ACSM1: variants seen among roughly 807,000 people sequenced by gnomAD.
The protein encoded by ACSM1 is acyl-CoA synthetase medium chain family member 1.
In ACSM1, 79 loss-of-function variants were observed where a neutral mutation model predicts 75.8. The ratio of observed to expected loss-of-function variants is 1.04; its 90% CI spans 0.87 to 1.26. The LOEUF (loss-of-function observed/expected upper bound fraction) is 1.26. Ranked by LOEUF, ACSM1 falls within the 50% of genes most tolerant of loss-of-function variation. ACSM1 has a pLI of 0.00. For missense variants in ACSM1, 676 were observed against 720.1 expected, an observed-to-expected ratio of 0.94 and a Z score of 0.70; for synonymous variants, 279 against 265.8, an observed-to-expected ratio of 1.05 and a Z score of -0.48.
chr16:20,654,142 C>T (rs1486049279), intron 7 of ACSM1, among the ~76,000 whole-genome samples: 1 of 152,074 alleles, frequency 6.6e-6, no homozygotes, highest in Non-Finnish European at 1.5e-5. Flanking sequence ...CTGACAAAAA[C>T]AAGAAATGGG....
At chr16:20,628,512 T>C (rs546688249) in intron 10 of ACSM1, among the ~76,000 whole-genome samples, 26 of 152,316 alleles carry the variant, frequency 1.7e-4, no homozygotes, top group African/African-American at 6.3e-4. Context: ...AAGAATGTTA[T>C]ATAAATAGAA....
intron 4 of ACSM1, 182 bp downstream of exon 4, chr16:20,682,074 T>G: frequency 1.7e-6 from 1 of 581,592 alleles, no homozygotes; most frequent in Non-Finnish European, 3.0e-6. Flanking sequence ...TCTCACCCCA[T>G]GAAATGCTTA....
Position 20,623,509 on chromosome 16 carries a change from T to C in ACSM1, c.1711A>G (p.Lys571Glu). ...GATTACATCTGACCAGTCTCCTTTT[T>C]CCGAAGTTCCTTCCGTTCAATCTTG... ...TGKIERKELR[K>E]KETGQM is the part of the protein sequence containing the mutation. Residue 571 changes from lysine (K) to glutamate (E), a missense_variant, in exon 14 of 14, where the codon AAA (lysine) becomes GAA (glutamate). Transcript: ENST00000520010. 1 of 1,614,162 alleles carries C rather than the reference T, an allele frequency of 6.2e-7. No homozygotes were observed.
chr16:20,633,506 A>T (rs982832126), intron 10 of ACSM1, among the ~76,000 whole-genome samples: 2 of 152,298 alleles, frequency 1.3e-5, no homozygotes, highest in South Asian at 4.1e-4. Context: ...AAACTACAAA[A>T]CGTTACTACA....
intron 4 of ACSM1, among the ~76,000 whole-genome samples, chr16:20,676,427 G>A (rs200382981): frequency 3.9e-5 from 6 of 152,356 alleles, no homozygotes; most frequent in Admixed American, 2.6e-4. Flanking sequence ...AGGCATTTTG[G>A]TTGTACACTC....
chr16:20,646,256 A>G (rs775203592), intron 7 of ACSM1, among the ~76,000 whole-genome samples: 1 of 152,236 alleles, frequency 6.6e-6, no homozygotes, highest in Non-Finnish European at 1.5e-5. Context: ...ACACTTTTAA[A>G]AAGATTGTCT....
intron 2 of ACSM1, 29 bp downstream of exon 2, chr16:20,690,968 T>C: frequency 6.3e-7 from 1 of 1,594,116 alleles, no homozygotes; most frequent in East Asian, 2.3e-5. Flanking sequence ...ACCCTTGTTC[T>C]TATATCGCCA....
chr16:20,626,761 A>G (rs908670939), intron 11 of ACSM1, among the ~76,000 whole-genome samples: 2 of 152,158 alleles, frequency 1.3e-5, no homozygotes, highest in South Asian at 2.1e-4. Flanking sequence ...TCATAGATGT[A>G]TAACAAATAT....
At position 20,625,522 on chromosome 16, in the gene ACSM1, C is replaced by T; in HGVS notation, c.1428G>A (p.Gly476=). 1 of 1,613,762 alleles carries T rather than the reference C, an allele frequency of 6.2e-7. No individual in the cohort carries two copies. Among genetic ancestry groups the T allele is most frequent in the Non-Finnish European group, 8.5e-7 (1 of 1,179,916 alleles). ...GRSDDIINAS[G]YRIGPAEVES... is the part of the protein sequence containing the mutation. Reference sequence around the variant, plus strand: ...CAACCTCTGCAGGCCCGATGCGATACCTGGAGGATGAAGGGTTCTGAGGCA... The same window carrying T: ...CAACCTCTGCAGGCCCGATGCGATATCTGGAGGATGAAGGGTTCTGAGGCA... Residue 476 remains glycine, a splice_region_variant and synonymous_variant, in exon 12 of 14, where the codon GGG becomes GGA. Coordinates refer to ENST00000520010, the MANE Select transcript of ACSM1 (RefSeq NM_001318890.3).
intron 1 of ACSM1, among the ~76,000 whole-genome samples, chr16:20,693,168 T>C (rs1447019171): frequency 7.5e-6 from 1 of 133,956 alleles, no homozygotes; most frequent in African/African-American, 2.8e-5. Context: ...AAATTCCGTC[T>C]CAAAAAAAAA....
intron 11 of ACSM1, 152 bp downstream of exon 11, chr16:20,627,037 T>G (rs145110962): frequency 2.0e-6 from 2 of 1,015,128 alleles, no homozygotes; most frequent in Admixed American, 3.3e-5. Context: ...GTTCGGGAGG[T>G]ATACTGAAGC....
At chr16:20,644,836 A>G (rs559165985) in intron 7 of ACSM1, among the ~76,000 whole-genome samples, 1 of 152,240 alleles carries the variant, frequency 6.6e-6, no homozygotes, top group Non-Finnish European at 1.5e-5. Flanking sequence ...TTAACGGTGT[A>G]ACATGTATTA....
chr16:20,669,482 A>ACACACC (rs1420663593), intron 6 of ACSM1, among the ~76,000 whole-genome samples: 8 of 142,282 alleles, frequency 5.6e-5, no homozygotes, highest in African/African-American at 2.1e-4. Context: ...ACACACACAC[A>ACACACC]CCCCAGCTGC....
intron 1 of ACSM1, among the ~76,000 whole-genome samples, chr16:20,692,432 T>G (rs1460): frequency 6.6e-6 from 1 of 152,208 alleles, no homozygotes; most frequent in African/African-American, 2.4e-5. Context: ...GTGAGTTTAT[T>G]TGAAGACCTG....
chr16:20,656,829 A>C (rs1002383042), intron 7 of ACSM1, among the ~76,000 whole-genome samples: 1 of 151,720 alleles, frequency 6.6e-6, no homozygotes, highest in African/African-American at 2.4e-5. Flanking sequence ...GGCATGTAAG[A>C]TTGTAAGGGC....
chr16:20,675,881 G>T (rs2152285422), intron 4 of ACSM1, among the ~76,000 whole-genome samples: 1 of 152,272 alleles, frequency 6.6e-6, no homozygotes, highest in African/African-American at 2.4e-5. Flanking sequence ...CGGAGTTAAA[G>T]GTAAAGTCAC....
intron 1 of ACSM1, among the ~76,000 whole-genome samples, chr16:20,692,876 A>T (rs2079667139): frequency 6.6e-6 from 1 of 152,242 alleles, no homozygotes; most frequent in Admixed American, 6.5e-5. Flanking sequence ...GCAAGATAAA[A>T]AATTAGAGCT....
At chr16:20,692,205 G>A (rs1232616050) in intron 1 of ACSM1, among the ~76,000 whole-genome samples, 2 of 152,204 alleles carry the variant, frequency 1.3e-5, no homozygotes, top group Non-Finnish European at 2.9e-5. Context: ...AGCCAAATAT[G>A]AGTGAACCTG....
At chr16:20,665,617 T>G (rs150279220) in intron 6 of ACSM1, among the ~76,000 whole-genome samples, 1 of 143,168 alleles carries the variant, frequency 7.0e-6, no homozygotes, top group Non-Finnish European at 1.5e-5. Flanking sequence ...GAGAAGGGAC[T>G]CCTTTCTAAC....
Sources: gnomAD v4.1 joint callset for allele counts (sites outside exome capture counted in the v4.1 genomes callset) on GRCh38, gnomAD v4.1.1 for gene constraint, MANE v1.5 for transcripts, NCBI Gene and HGNC (gene_info 2026-07-23, HGNC 2026-07-21) for gene names.